DTD1: variants seen among roughly 807,000 people sequenced by gnomAD.
The protein encoded by DTD1 is D-tyrosyl-tRNA deacylase 1 homolog.
In DTD1, 13 loss-of-function variants were observed where a neutral mutation model predicts 25.6. That is an observed-to-expected ratio of 0.51 (90% CI 0.33 to 0.81). The LOEUF is 0.81. Among genes scored for constraint, DTD1 ranks in the 30% least tolerant of loss-of-function variants. The pLI is 0.02. For synonymous variants in DTD1, 110 were observed against 103.6 expected (o/e 1.06, Z -0.37); for missense variants, 193 against 266.4 (o/e 0.72, Z 1.92).
chr20:18,661,969 TAGTG>T (rs975192256), intron 4 of DTD1, among the ~76,000 whole-genome samples: 1 of 151,992 alleles, frequency 6.6e-6, no homozygotes, highest in Non-Finnish European at 1.5e-5. Context: ...CTGGGCAACA[TAGTG>T]AGACCCTGTC....
At chr20:18,718,666 A>G (rs551046952) in intron 4 of DTD1, among the ~76,000 whole-genome samples, 13 of 152,316 alleles carry the variant, frequency 8.5e-5, no homozygotes, top group Admixed American at 5.9e-4. Context: ...TCAGTTTTGT[A>G]TGGTTCTATC....
chr20:18,632,319 G>A (rs1568653088), intron 4 of DTD1: 2 of 985,284 alleles, frequency 2.0e-6, no homozygotes, highest in Non-Finnish European at 2.4e-6. Flanking sequence ...CATTTACATG[G>A]ACCAGTTTCC....
At chr20:18,611,601 T>A (rs1210361144) in intron 3 of DTD1, among the ~76,000 whole-genome samples, 1 of 152,218 alleles carries the variant, frequency 6.6e-6, no homozygotes, top group Non-Finnish European at 1.5e-5. Context: ...TCCCCTTTGT[T>A]CCTTCTCTGT....
chr20:18,648,398 T>C (rs181327872), intron 4 of DTD1, among the ~76,000 whole-genome samples: 88 of 152,204 alleles, frequency 5.8e-4, no homozygotes, highest in African/African-American at 2.0e-3. Flanking sequence ...GCAGCTGAGT[T>C]TGGGAGCAAT....
chr20:18,602,209 AG>A, intron 3 of DTD1, among the ~76,000 whole-genome samples: 1 of 102,220 alleles, frequency 9.8e-6, no homozygotes. Context: ...TGAAGCGAGA[AG>A]GGAAGTTTAG....
chr20:18,740,157 A>G (rs2061271407), intron 4 of DTD1, among the ~76,000 whole-genome samples: 2 of 151,540 alleles, frequency 1.3e-5, no homozygotes, highest in Admixed American at 6.6e-5. Flanking sequence ...AATTGGGGTT[A>G]CTCCCCATCG....
At chr20:18,751,872 G>T (rs6045581) in intron 5 of DTD1, among the ~76,000 whole-genome samples, 129,479 of 148,486 alleles carry the variant, frequency 0.87, 56,572 homozygotes, top group South Asian at 0.96. Context: ...TGTTGTTGTT[G>T]TTTTAATTTG....
chr20:18,658,791 A>G (rs2060899205), intron 4 of DTD1, among the ~76,000 whole-genome samples: 1 of 152,204 alleles, frequency 6.6e-6, no homozygotes, highest in Non-Finnish European at 1.5e-5. Flanking sequence ...CAAAGAAGAA[A>G]GTTTTGGTAC....
chr20:18,676,271 C>A (rs1048945451), intron 4 of DTD1, among the ~76,000 whole-genome samples: 1 of 152,162 alleles, frequency 6.6e-6, no homozygotes, highest in Non-Finnish European at 1.5e-5. Flanking sequence ...CCTTAACTGG[C>A]AGAGTTTGCA....
intron 4 of DTD1, among the ~76,000 whole-genome samples, chr20:18,694,623 G>A (rs1339227607): frequency 6.6e-6 from 1 of 152,202 alleles, no homozygotes; most frequent in Non-Finnish European, 1.5e-5. Context: ...ACTGGGAAAG[G>A]GAACAACTGG....
At chr20:18,605,821 A>G (rs1484193282) in intron 3 of DTD1, among the ~76,000 whole-genome samples, 1 of 143,648 alleles carries the variant, frequency 7.0e-6, no homozygotes, top group Non-Finnish European at 1.5e-5. Flanking sequence ...AACCATAAAA[A>G]CCCTAGAAGA....
At chr20:18,759,659 C>T (rs1390461378) in intron 5 of DTD1, among the ~76,000 whole-genome samples, 1 of 152,192 alleles carries the variant, frequency 6.6e-6, no homozygotes, top group South Asian at 2.1e-4. Context: ...TCTCTGGCTG[C>T]CCTTAACATT....
At position 18,627,674 on chromosome 20, in the gene DTD1, C is replaced by T. The variant is rs569433800; in HGVS notation, c.371-453C>T. ...CCACTGTGACCCGGGTTTTGGATCA[C>T]GCTGATCTAGGTGTGTGATATGGTT... On this transcript the variant is annotated intron_variant, in intron 3 of 5. Coordinates refer to ENST00000377452, the MANE Select transcript of DTD1 (RefSeq NM_080820.6). Among the ~76,000 whole-genome samples, 15 of 152,240 alleles carry T rather than the reference C, an allele frequency of 9.9e-5. No individual in the cohort carries two copies. The South Asian group carries it at 1.2e-3, about 13-fold the overall frequency.
intron 4 of DTD1, among the ~76,000 whole-genome samples, chr20:18,699,855 A>G (rs908770293): frequency 2.0e-5 from 3 of 152,238 alleles, no homozygotes; most frequent in African/African-American, 7.2e-5. Context: ...AAAATAGACC[A>G]GAAGAGTTCT....
intron 5 of DTD1, among the ~76,000 whole-genome samples, chr20:18,759,336 G>C (rs2061351913): frequency 6.6e-6 from 1 of 152,136 alleles, no homozygotes; most frequent in Non-Finnish European, 1.5e-5. Flanking sequence ...TAGCCTCGAT[G>C]GTCTTTACAA....
chr20:18,593,820 A>G lies in DTD1; in HGVS notation c.133A>G (p.Met45Val), dbSNP rs1288313914. ...GGATACGCAGAAGGAACTGGAACAC[A>G]TGTAAGATGCATTTCTGTCATTGCT... Reference protein sequence around the residue: ...LEDTQKELEHMVRKILNLRVF... With the variant: ...LEDTQKELEHVVRKILNLRVF... The change falls in exon 2 of 6, where the codon ATG becomes GTG. Residue 45 changes from methionine (M) to valine (V), a missense_variant and splice_region_variant. By Grantham distance (21) the Met-to-Val change is conservative. Coordinates refer to ENST00000377452, the MANE Select transcript of DTD1 (RefSeq NM_080820.6). 2.5e-6 allele frequency: 4 copies of G among 1,612,786 alleles called. No homozygotes were observed. Among genetic ancestry groups the G allele is most frequent in the South Asian group, 1.1e-5 (1 of 90,928 alleles).
chr20:18,717,118 AAC>A (rs1302508229), intron 4 of DTD1, among the ~76,000 whole-genome samples: 2 of 152,212 alleles, frequency 1.3e-5, no homozygotes, highest in Non-Finnish European at 1.5e-5. Flanking sequence ...TATTGCATTA[AAC>A]ACAGTGAAAA....
rs151119095 is a variant in DTD1, at chr20:18,639,726, G to C, written c.477+11493G>C. On this transcript the variant is annotated intron_variant, in intron 4 of 5. Coordinates refer to ENST00000377452, the MANE Select transcript of DTD1 (RefSeq NM_080820.6). ...TTCGTTTGACTATTTTCCATAAAAT[G>C]TGAAGTCAATTTCTTTTTCTATTTT... Among the ~76,000 whole-genome samples the C allele has an allele frequency of 3.9e-3, 589 of 152,306 alleles. 5 individuals carry two copies. Among genetic ancestry groups the C allele is most frequent in the African/African-American group, 0.014 (569 of 41,566 alleles).
At chr20:18,756,633 C>T (rs1328796799) in intron 5 of DTD1, among the ~76,000 whole-genome samples, 1 of 152,052 alleles carries the variant, frequency 6.6e-6, no homozygotes, top group Admixed American at 6.6e-5. Context: ...GTCTATATCT[C>T]TGTTTTGGTA....
Sources: allele counts gnomAD v4.1 joint callset (sites outside exome capture counted in the v4.1 genomes callset), GRCh38; gene constraint gnomAD v4.1.1; transcripts MANE v1.5; gene names NCBI Gene and HGNC (gene_info 2026-07-23, HGNC 2026-07-21).